The following STXBP3 variants were observed in gnomAD, a reference collection of about 807,000 sequenced individuals.
STXBP3 encodes syntaxin-binding protein 3.
In STXBP3, 41 loss-of-function variants were observed where a neutral mutation model predicts 85.7. The ratio of observed to expected loss-of-function variants is 0.48; its 90% CI spans 0.37 to 0.62. The LOEUF (loss-of-function observed/expected upper bound fraction) is 0.62. Ranked by LOEUF, STXBP3 falls within the 20% of genes least tolerant of loss-of-function variation. The probability of loss-of-function intolerance (pLI) is 0.00; values close to 1 mark genes in which losing one functional copy is unlikely to be tolerated. For synonymous variants in STXBP3, 229 were observed against 231.7 expected (o/e 0.99, Z 0.10); for missense variants, 563 against 703.1 (o/e 0.80, Z 2.25).
intron 7 of STXBP3, among the ~76,000 whole-genome samples, chr1:108,774,873 A>G (rs1759478): frequency 0.7 from 106,976 of 151,780 alleles, 38,695 homozygotes; most frequent in Non-Finnish European, 0.77. Flanking sequence ...GGTTACGTTC[A>G]GGGAAATGAG....
chr1:108,777,378 C>A (rs1401860407), intron 8 of STXBP3, among the ~76,000 whole-genome samples: 1 of 152,046 alleles, frequency 6.6e-6, no homozygotes, highest in Non-Finnish European at 1.5e-5. Flanking sequence ...AAACAGGATT[C>A]TTCAGGTAGA....
Position 108,746,712 on chromosome 1 carries a change from G to A in STXBP3, c.-26G>A. ...AAGTAGGTTGGGAGTGGAAGGTGGTGGCTGCTGCTCCGCAGTGTCGGGAAG... is the reference window on the plus strand; with the variant it reads ...AAGTAGGTTGGGAGTGGAAGGTGGTAGCTGCTGCTCCGCAGTGTCGGGAAG... On this transcript the variant is annotated 5_prime_UTR_variant, in exon 1 of 19. Coordinates refer to ENST00000370008, the MANE Select transcript of STXBP3 (RefSeq NM_007269.4). 2 of 1,548,000 alleles carry A rather than the reference G, an allele frequency of 1.3e-6. No homozygotes were observed. Among genetic ancestry groups the A allele is most frequent in the Non-Finnish European group, 1.7e-6 (2 of 1,145,352 alleles).
At chr1:108,808,103 C>T (rs1048780261) in intron 18 of STXBP3, among the ~76,000 whole-genome samples, 14 of 152,100 alleles carry the variant, frequency 9.2e-5, no homozygotes, top group African/African-American at 2.7e-4. Context: ...ATGTTCTGTA[C>T]GTTTGTTTAA....
chr1:108,792,902 G>C (rs1663006616), intron 11 of STXBP3, among the ~76,000 whole-genome samples: 1 of 152,122 alleles, frequency 6.6e-6, no homozygotes, highest in African/African-American at 2.4e-5. Context: ...TGTTCACTTA[G>C]GTCTCTTTAC....
At chr1:108,775,369 C>T (rs528172346) in intron 7 of STXBP3, among the ~76,000 whole-genome samples, 5 of 152,036 alleles carry the variant, frequency 3.3e-5, no homozygotes, top group Non-Finnish European at 7.4e-5. Flanking sequence ...GCATAATAGT[C>T]ACATCAGGGT....
At chr1:108,778,110 T>G (rs1409450144) in intron 8 of STXBP3, among the ~76,000 whole-genome samples, 3 of 152,170 alleles carry the variant, frequency 2.0e-5, no homozygotes, top group Non-Finnish European at 4.4e-5. Flanking sequence ...AAGGCTGTGC[T>G]CTGAACCACC....
At position 108,798,423 on chromosome 1, in the gene STXBP3, T is replaced by TTTTTC. The variant is rs1213609220; in HGVS notation, c.1449+191_1449+195dup. On this transcript the variant is annotated intron_variant, in intron 16 of 18. Coordinates refer to ENST00000370008, the MANE Select transcript of STXBP3 (RefSeq NM_007269.4). ...TTCTTCTTCTTTTTTTTTTTTTTTT[T>TTTTTC]TTTTCTTTTTGAGACAGAGTGTCAC... Among the ~76,000 whole-genome samples the TTTTTC allele has an allele frequency of 4.7e-5, 7 of 148,300 alleles. No homozygotes were observed. The East Asian group carries it at 1.4e-3, about 29-fold the overall frequency.
At chr1:108,802,077 T>C (rs1392756392) in intron 17 of STXBP3, among the ~76,000 whole-genome samples, 1 of 152,072 alleles carries the variant, frequency 6.6e-6, no homozygotes, top group East Asian at 1.9e-4. Context: ...TTTCTTTGGC[T>C]TCTTTACTTC....
At chr1:108,775,571 C>T (rs1662569236) in intron 7 of STXBP3, among the ~76,000 whole-genome samples, 1 of 152,064 alleles carries the variant, frequency 6.6e-6, no homozygotes, top group African/African-American at 2.4e-5. Flanking sequence ...ACTCCTGCCC[C>T]TTTCCAGCCT....
chr1:108,748,686 G>A (rs1267341641), intron 1 of STXBP3, among the ~76,000 whole-genome samples: 1 of 151,892 alleles, frequency 6.6e-6, no homozygotes, highest in Non-Finnish European at 1.5e-5. Context: ...ACAAAAATTA[G>A]CCAGGTGTGG....
At chr1:108,767,194 TA>T in intron 6 of STXBP3, 1 of 232,984 alleles carries the variant, frequency 4.3e-6, no homozygotes. Context: ...CATTCATTAC[TA>T]AAAGTAGGCA....
intron 11 of STXBP3, among the ~76,000 whole-genome samples, chr1:108,789,365 T>A (rs1040240380): frequency 2.6e-5 from 4 of 152,122 alleles, no homozygotes; most frequent in African/African-American, 9.7e-5. Flanking sequence ...TTAGTGTATT[T>A]TATATGTGGC....
At chr1:108,756,980 A>C in intron 4 of STXBP3, 1 of 335,044 alleles carries the variant, frequency 3.0e-6, no homozygotes, top group Non-Finnish European at 5.4e-6. Context: ...TTCCCCATAT[A>C]TGAAAGCAGA....
At chr1:108,778,627 A>G (rs1662640264) in intron 8 of STXBP3, among the ~76,000 whole-genome samples, 2 of 152,192 alleles carry the variant, frequency 1.3e-5, no homozygotes, top group Admixed American at 6.5e-5. Context: ...GAAATAGTCC[A>G]TGTATTTTTG....
intron 9 of STXBP3, chr1:108,782,075 G>A: frequency 5.6e-6 from 1 of 179,464 alleles, no homozygotes; most frequent in Non-Finnish European, 1.2e-5. Context: ...TCAAAACAAT[G>A]TTGTAGGGAA....
chr1:108,796,453 A>C, intron 14 of STXBP3, 81 bp downstream of exon 14: 4 of 1,227,572 alleles, frequency 3.3e-6, no homozygotes, highest in Non-Finnish European at 4.5e-6. Context: ...ATAGTTGCTG[A>C]ACTTGGTTAA....
At chr1:108,782,856 C>A in intron 11 of STXBP3, 150 bp downstream of exon 11, 1 of 604,852 alleles carries the variant, frequency 1.7e-6, no homozygotes, top group Non-Finnish European at 2.8e-6. Context: ...TGCCTAGTTT[C>A]AATAGTTAAC....
At chr1:108,779,248 T>C in intron 8 of STXBP3, 38 bp from the exon 9 acceptor site, 1 of 1,589,342 alleles carries the variant, frequency 6.3e-7, no homozygotes, top group Non-Finnish European at 8.6e-7. Context: ...CACTAAGAAA[T>C]TGAAGCTGCT....
At chr1:108,799,283 T>G (rs1663180488) in intron 16 of STXBP3, among the ~76,000 whole-genome samples, 1 of 152,194 alleles carries the variant, frequency 6.6e-6, no homozygotes, top group South Asian at 2.1e-4. Context: ...ACATAAGAAT[T>G]TTTTTTCCTT....
Sources: allele counts gnomAD v4.1 joint callset (sites outside exome capture counted in the v4.1 genomes callset), GRCh38; gene constraint gnomAD v4.1.1; transcripts MANE v1.5; gene names NCBI Gene and HGNC (gene_info 2026-07-23, HGNC 2026-07-21).